The following ANKS1B variants were observed in gnomAD, a reference collection of about 807,000 sequenced individuals.
ANKS1B encodes ankyrin repeat and sterile alpha motif domain containing 1B.
In ANKS1B, 36 loss-of-function variants were observed where a neutral mutation model predicts 148.3. The observed-to-expected ratio is 0.24, with a 90% confidence interval of 0.19 to 0.32. The LOEUF is 0.32. ANKS1B is among the 10% of genes least tolerant of loss of function. ANKS1B has a pLI of 1.00. For missense variants in ANKS1B, 1,157 were observed against 1,542.6 expected, an observed-to-expected ratio of 0.75 and a Z score of 4.19; for synonymous variants, 542 against 560.8, an observed-to-expected ratio of 0.97 and a Z score of 0.47.
chr12:98,794,452 C>T lies in ANKS1B; in HGVS notation c.3342+4482G>A, dbSNP rs560347230. The T allele has an allele frequency of 2.8e-4, 58 of 207,294 alleles. No individual in the cohort carries two copies. The East Asian group carries it at 2.8e-3, about 10-fold the overall frequency. The allele number at this position is 207,294 out of a possible 1,614,324, so 12.8% of individuals were successfully genotyped here. On this transcript the variant is annotated intron_variant, in intron 22 of 26. Coordinates refer to ENST00000683438, the MANE Select transcript of ANKS1B (RefSeq NM_001352186.2). ...TTCCTCTCAAGCTTGGCAAGCTTGG[C>T]GTTTGGTCGATGGGGACCCATGGGG...
intron 1 of ANKS1B, among the ~76,000 whole-genome samples, chr12:99,953,920 T>C (rs1405062760): frequency 6.6e-6 from 1 of 151,238 alleles, no homozygotes; most frequent in Admixed American, 6.6e-5. Flanking sequence ...TTATAGAGAG[T>C]GAAAAAGGTT....
At chr12:99,092,781 T>C (rs1004001320) in intron 15 of ANKS1B, among the ~76,000 whole-genome samples, 1 of 152,194 alleles carries the variant, frequency 6.6e-6, no homozygotes, top group Non-Finnish European at 1.5e-5. Flanking sequence ...CCACATATAA[T>C]GACGCAGAAA....
At chr12:98,770,481 C>T (rs1158638406) in intron 25 of ANKS1B, among the ~76,000 whole-genome samples, 1 of 152,212 alleles carries the variant, frequency 6.6e-6, no homozygotes, top group Admixed American at 6.5e-5. Context: ...CTTTAATCAA[C>T]ACTTTAATCC....
At chr12:99,399,873 C>T in intron 11 of ANKS1B, 62 bp from the exon 12 acceptor site, 3 of 1,526,294 alleles carry the variant, frequency 2.0e-6, no homozygotes, top group Non-Finnish European at 2.7e-6. Flanking sequence ...GCCCAATCTC[C>T]CCATCAATTT....
At chr12:98,823,667 T>A (rs1320216265) in intron 19 of ANKS1B, among the ~76,000 whole-genome samples, 1 of 152,174 alleles carries the variant, frequency 6.6e-6, no homozygotes, top group East Asian at 1.9e-4. Context: ...AACTTTTGAG[T>A]CTTTAGTAGA....
At chr12:99,889,304 C>T (rs2153746231) in intron 1 of ANKS1B, among the ~76,000 whole-genome samples, 1 of 152,234 alleles carries the variant, frequency 6.6e-6, no homozygotes, top group Admixed American at 6.5e-5. Context: ...CATAATTATC[C>T]AAGATCTCCA....
At chr12:99,544,040 T>C (rs1446192895) in intron 9 of ANKS1B, among the ~76,000 whole-genome samples, 1 of 152,116 alleles carries the variant, frequency 6.6e-6, no homozygotes, top group Non-Finnish European at 1.5e-5. Flanking sequence ...TCACAAAATA[T>C]ATAGAGAGAA....
chr12:99,950,487 A>AT (rs2095189892), intron 1 of ANKS1B, among the ~76,000 whole-genome samples: 1 of 152,020 alleles, frequency 6.6e-6, no homozygotes, highest in South Asian at 2.1e-4. Flanking sequence ...TGTTTGCAAC[A>AT]TTATTGTGAC....
intron 9 of ANKS1B, among the ~76,000 whole-genome samples, chr12:99,643,376 C>A (rs548046148): frequency 1.3e-5 from 2 of 151,824 alleles, no homozygotes; most frequent in Admixed American, 1.3e-4. Context: ...ACAAGTGTAG[C>A]GAAACAATTA....
rs2094488502 is a variant in ANKS1B at position 99,404,543 on chromosome 12, A to G, written c.1576-4732T>C. On this transcript the variant is annotated intron_variant, in intron 11 of 26. Coordinates refer to ENST00000683438, the MANE Select transcript of ANKS1B (RefSeq NM_001352186.2). ...TTAGAATCTGTTAAAAGCAGAATTG[A>G]TCAGGCAGAAGAAAGAATTAGTGAG... Among the ~76,000 whole-genome samples, 3 of 145,984 alleles carry G rather than the reference A, an allele frequency of 2.1e-5. No homozygotes were observed. The South Asian group carries it at 6.3e-4, about 31-fold the overall frequency.
intron 9 of ANKS1B, among the ~76,000 whole-genome samples, chr12:99,600,007 T>C (rs550301744): frequency 6.6e-6 from 1 of 152,140 alleles, no homozygotes; most frequent in South Asian, 2.1e-4. Flanking sequence ...AGGCAGTCTC[T>C]TCAGAATTTT....
In ANKS1B at chr12:99,655,050, T is replaced by TA. The variant is rs2098443662; in HGVS notation, c.1272+16dup. 6.5e-7 allele frequency: 1 copy of TA among 1,544,952 alleles called. No individual in the cohort carries two copies. Among genetic ancestry groups the TA allele is most frequent in the African/African-American group, 1.4e-5 (1 of 73,174 alleles). ...CCATTTTTGTTTTATTGTACCTTAA[T>TA]AAAAGCAAACTTTTACCTGGGCAAG... On this transcript the variant is annotated intron_variant, in intron 9 of 26. Transcript: ENST00000683438.
At chr12:98,852,221 G>A (rs1281608724) in intron 17 of ANKS1B, among the ~76,000 whole-genome samples, 2 of 152,038 alleles carry the variant, frequency 1.3e-5, no homozygotes, top group East Asian at 3.9e-4. Flanking sequence ...AATTCCCAGG[G>A]TCCAACATAG....
chr12:99,693,160 A>C (rs1260008249), intron 8 of ANKS1B, among the ~76,000 whole-genome samples: 1 of 152,244 alleles, frequency 6.6e-6, no homozygotes, highest in Non-Finnish European at 1.5e-5. Context: ...TCATTTAAAC[A>C]AACAGAAGAA....
At chr12:99,393,404 T>G (rs1417360280) in intron 12 of ANKS1B, among the ~76,000 whole-genome samples, 3 of 152,140 alleles carry the variant, frequency 2.0e-5, no homozygotes, top group Non-Finnish European at 4.4e-5. Flanking sequence ...GGGAATGACA[T>G]GAGGAGCCTT....
intron 17 of ANKS1B, among the ~76,000 whole-genome samples, chr12:99,005,648 G>T (rs2099935735): frequency 1.3e-5 from 2 of 152,114 alleles, no homozygotes; most frequent in Non-Finnish European, 2.9e-5. Context: ...TTCAAATGTG[G>T]TAAGCAAATA....
intron 1 of ANKS1B, among the ~76,000 whole-genome samples, chr12:99,980,219 A>G (rs2095680246): frequency 6.6e-6 from 1 of 152,012 alleles, no homozygotes; most frequent in African/African-American, 2.4e-5. Context: ...ACACCATTAC[A>G]TGGCCCAGAA....
intron 11 of ANKS1B, 106 bp from the exon 12 acceptor site, chr12:99,399,917 A>G: frequency 9.2e-7 from 1 of 1,085,778 alleles, no homozygotes; most frequent in Non-Finnish European, 1.4e-6. Flanking sequence ...GTTAAAAACT[A>G]TCTGGGTTTT....
intron 9 of ANKS1B, among the ~76,000 whole-genome samples, chr12:99,521,535 C>A (rs2096874830): frequency 6.6e-6 from 1 of 152,094 alleles, no homozygotes; most frequent in Non-Finnish European, 1.5e-5. Context: ...TCCTTCTTGG[C>A]AAGGCTTTCC....
Sources: gnomAD v4.1 joint callset for allele counts (sites outside exome capture counted in the v4.1 genomes callset) on GRCh38, gnomAD v4.1.1 for gene constraint, MANE v1.5 for transcripts, NCBI Gene and HGNC (gene_info 2026-07-23, HGNC 2026-07-21) for gene names.